Variants in CROT observed in about 807,000 individuals in gnomAD.
CROT encodes carnitine O-octanoyltransferase.
A neutral mutation model predicts 89.2 loss-of-function variants in CROT; 84 were observed. The observed-to-expected ratio is 0.94, with a 90% CI of 0.79 to 1.13. The LOEUF (loss-of-function observed/expected upper bound fraction) is 1.13, where lower values mean the gene tolerates loss of function less well. CROT is among the 50% of genes most tolerant of loss of function. CROT has a pLI of 0.00. For missense variants in CROT, 711 were observed against 727.8 expected, an observed-to-expected ratio of 0.98 and a Z score of 0.27; for synonymous variants, 212 against 239.5, an observed-to-expected ratio of 0.89 and a Z score of 1.06.
chr7:87,382,669 T>G, intron 13 of CROT, 126 bp downstream of exon 13: 1 of 884,352 alleles, frequency 1.1e-6, no homozygotes, highest in Non-Finnish European at 1.7e-6. Context: ...CTGTGTCCTA[T>G]TTGTACTTCC....
chr7:87,381,914 C>T lies in CROT; in HGVS notation c.983C>T (p.Ala328Val), dbSNP rs777035602. Residue 328 changes from alanine (A) to valine (V), a missense_variant, in exon 11 of 18, where the codon GCT becomes GTT. Ala to Val is a moderately conservative substitution (Grantham distance 64, BLOSUM62 0). Coordinates refer to ENST00000331536, the MANE Select transcript of CROT (RefSeq NM_021151.4). The part of the protein sequence containing the change: ...NGVFGCNCDH[A>V]PFDAMIMVNI... ...TCTTGTGTGTTCTCATTTTAGCATG[C>T]TCCTTTTGATGCAATGATTATGGTG... is the stretch of plus-strand genomic sequence containing the variant. 5 of 1,600,598 alleles carry T rather than the reference C, an allele frequency of 3.1e-6. No homozygotes were observed. Among genetic ancestry groups the T allele is most frequent in the East Asian group, 2.2e-5 (1 of 44,634 alleles).
At chr7:87,377,506 A>G (rs1318310738) in intron 10 of CROT, 56 bp downstream of exon 10, 1 of 996,748 alleles carries the variant, frequency 1.0e-6, no homozygotes, top group Admixed American at 1.8e-5. Flanking sequence ...ATTAATGACA[A>G]TAAACCATAA....
intron 2 of CROT, among the ~76,000 whole-genome samples, chr7:87,348,551 C>T (rs1189200616): frequency 6.6e-6 from 1 of 152,174 alleles, no homozygotes; most frequent in Non-Finnish European, 1.5e-5. Flanking sequence ...ATACTATCTA[C>T]CCACTAAGAT....
At chr7:87,353,621 G>A (rs802041) in intron 3 of CROT, among the ~76,000 whole-genome samples, 5 of 152,106 alleles carry the variant, frequency 3.3e-5, no homozygotes, top group Non-Finnish European at 7.4e-5. Context: ...TGCTGGTATC[G>A]GCTTCTGGAA....
rs139446215 is a variant in CROT at position 87,389,280 on chromosome 7, C to A, written c.1302-2309C>A. On this transcript the variant is annotated intron_variant, in intron 13 of 17. Coordinates refer to ENST00000331536, the MANE Select transcript of CROT (RefSeq NM_021151.4). The stretch of plus-strand genomic sequence containing the variant: ...CAGCGATCCCATTGCTAGATATATA[C>A]CCAAAGGATTATAAATCTTTCTACT... Among the ~76,000 whole-genome samples the A allele has an allele frequency of 7.6e-3, 1,154 of 152,186 alleles. 15 individuals carry two copies. Among genetic ancestry groups the A allele is most frequent in the African/African-American group, 0.025 (1,037 of 41,520 alleles).
chr7:87,348,467 C>T (rs537296695), intron 2 of CROT, among the ~76,000 whole-genome samples: 1 of 152,302 alleles, frequency 6.6e-6, no homozygotes, highest in East Asian at 1.9e-4. Context: ...CACTTCCACA[C>T]CTCTTTGTAC....
chr7:87,350,115 C>T (rs1805820768), intron 3 of CROT, among the ~76,000 whole-genome samples: 1 of 152,036 alleles, frequency 6.6e-6, no homozygotes, highest in Non-Finnish European at 1.5e-5. Flanking sequence ...ACCAAGCATA[C>T]TGAAAAGAAA....
At chr7:87,362,429 T>C (rs189282694) in intron 6 of CROT, among the ~76,000 whole-genome samples, 1,708 of 152,012 alleles carry the variant, frequency 0.011, 14 homozygotes, top group Non-Finnish European at 0.014. Context: ...CCTGAGTGGC[T>C]GGGACTATAG....
chr7:87,367,191 C>G (rs1258828711), intron 6 of CROT, among the ~76,000 whole-genome samples: 1 of 152,098 alleles, frequency 6.6e-6, no homozygotes, highest in African/African-American at 2.4e-5. Context: ...CACATGTGCC[C>G]AAAGTATATA....
chr7:87,375,055 GA>G (rs1806761442), intron 7 of CROT, among the ~76,000 whole-genome samples: 1 of 152,012 alleles, frequency 6.6e-6, no homozygotes, highest in Non-Finnish European at 1.5e-5. Context: ...AAATACTGTG[GA>G]GGGGGAGTAG....
At position 87,398,649 on chromosome 7, in the gene CROT, GA is replaced by G. The variant is rs1807635490; in HGVS notation, c.*7del. Reference sequence around the variant, plus strand: ...ATGAACTCTACTCATCTTTAGAGATGAATCATCTATTAAGCACTTACCAAAA... The same window carrying G: ...ATGAACTCTACTCATCTTTAGAGATGATCATCTATTAAGCACTTACCAAAA... On this transcript the variant is annotated 3_prime_UTR_variant, in exon 18 of 18. Coordinates refer to ENST00000331536, the MANE Select transcript of CROT (RefSeq NM_021151.4). 1 of 1,612,252 alleles carries G rather than the reference GA, an allele frequency of 6.2e-7. No individual in the cohort carries two copies. Among genetic ancestry groups the G allele is most frequent in the South Asian group, 1.1e-5 (1 of 90,974 alleles).
At chr7:87,366,349 C>T (rs948020182) in intron 6 of CROT, among the ~76,000 whole-genome samples, 9 of 151,722 alleles carry the variant, frequency 5.9e-5, no homozygotes, top group Non-Finnish European at 1.2e-4. Flanking sequence ...CAATTTTAGC[C>T]TTTTTGGGGA....
intron 4 of CROT, 87 bp from the exon 5 acceptor site, chr7:87,361,303 A>C: frequency 7.7e-7 from 1 of 1,291,466 alleles, no homozygotes; most frequent in Non-Finnish European, 1.1e-6. Flanking sequence ...ATTAAAGAAC[A>C]AATATAGCTT....
chr7:87,373,075 T>C (rs1267758102), intron 7 of CROT, among the ~76,000 whole-genome samples: 2 of 152,122 alleles, frequency 1.3e-5, no homozygotes, highest in Non-Finnish European at 2.9e-5. Flanking sequence ...AATGGCGCAG[T>C]ATATTAGGGT....
At chr7:87,396,744 A>G (rs1292376575) in intron 17 of CROT, among the ~76,000 whole-genome samples, 1 of 152,112 alleles carries the variant, frequency 6.6e-6, no homozygotes, top group African/African-American at 2.4e-5. Flanking sequence ...AGTTATCTAC[A>G]TTTCCATTAC....
At chr7:87,374,169 T>A (rs1213014445) in intron 7 of CROT, among the ~76,000 whole-genome samples, 1 of 152,008 alleles carries the variant, frequency 6.6e-6, no homozygotes, top group African/African-American at 2.4e-5. Flanking sequence ...TGCTTTGAAA[T>A]ATAAAAAATT....
chr7:87,355,214 C>A (rs112970005), intron 3 of CROT, among the ~76,000 whole-genome samples: 2 of 152,014 alleles, frequency 1.3e-5, no homozygotes, highest in East Asian at 3.9e-4. Context: ...ATCCTCCCAC[C>A]TCAGCCTCCC....
Position 87,375,968 on chromosome 7 carries a change from TC to T in CROT, c.876+16del. 2.0e-6 allele frequency: 3 copies of T among 1,465,692 alleles called. No individual in the cohort carries two copies. Among genetic ancestry groups the T allele is most frequent in the East Asian group, 4.9e-5 (2 of 40,574 alleles). 90.8% of individuals were successfully genotyped at this position (1,465,692 alleles called of 1,614,324 possible). A position where few individuals can be genotyped will look rare whatever the true frequency, so the allele number is the denominator to read the frequency against. On this transcript the variant is annotated intron_variant, in intron 9 of 17. Transcript: ENST00000331536. ...ATTATTCTGAGGTACTTAACTACCT[TC>T]TCTTTTTTTTTTTATTGCAGATTTT...
chr7:87,361,558 C>A lies in CROT; in HGVS notation c.409C>A (p.Gln137Lys). ...TCTTTGGCATAACTTGAACTACTGG[C>A]AGCTATTAAGAAAGTAAGGACACAT... Reference protein sequence around the residue: ...ITLWHNLNYWQLLRKEKVPVH... With the variant: ...ITLWHNLNYWKLLRKEKVPVH... Residue 137 changes from glutamine to lysine, a missense_variant, in exon 5 of 18, where the codon CAG (glutamine) becomes AAG (lysine). Transcript: ENST00000331536. The A allele has an allele frequency of 1.3e-6, 2 of 1,592,874 alleles. No homozygotes were observed. The highest frequency in any genetic ancestry group is 8.5e-7 in the Non-Finnish European group (1 of 1,170,698).
Sources: gnomAD v4.1 joint callset for allele counts (sites outside exome capture counted in the v4.1 genomes callset) on GRCh38, gnomAD v4.1.1 for gene constraint, MANE v1.5 for transcripts, NCBI Gene and HGNC (gene_info 2026-07-23, HGNC 2026-07-21) for gene names.